Variants in DPT observed in about 807,000 individuals in gnomAD.
DPT encodes dermatopontin, also known as tyrosine-rich acidic matrix protein.
DPT carries 21 observed loss-of-function variants against 31.2 expected under a neutral mutation model. The observed-to-expected ratio is 0.67, with a 90% CI of 0.48 to 0.97. The LOEUF is 0.97. Ranked by LOEUF, DPT falls within the 50% of genes least tolerant of loss-of-function variation. The pLI, the probability that DPT is intolerant of heterozygous loss-of-function variation, is 0.00. For synonymous variants in DPT, 91 were observed against 86.9 expected (o/e 1.05, Z -0.26); for missense variants, 262 against 258.8 (o/e 1.01, Z -0.08).
Position 168,729,000 on chromosome 1 carries a change from C to A in DPT, c.175G>T (p.Val59Leu). The A allele has an allele frequency of 6.2e-7, 1 of 1,614,228 alleles. No individual in the cohort carries two copies. The highest frequency in any genetic ancestry group is 1.3e-5 in the African/African-American group (1 of 75,052). Residue 59 changes from valine (V) to leucine (L), a missense_variant, in exon 1 of 4, where the codon GTG (valine) becomes TTG (leucine). Physicochemically the swap from Val to Leu is conservative, Grantham distance 32. Transcript: ENST00000367817. Reference protein sequence around the residue: ...QCPQGQVIVAVRSIFSKKEGS... With the variant: ...QCPQGQVIVALRSIFSKKEGS... ...TCCTTCTTGCTGAAGATGCTCCTCACGGCCACTATCACCTGCCCCTGGGGA... is the reference window on the plus strand; with the variant it reads ...TCCTTCTTGCTGAAGATGCTCCTCAAGGCCACTATCACCTGCCCCTGGGGA...
intron 1 of DPT, among the ~76,000 whole-genome samples, chr1:168,724,778 G>A (rs1212234779): frequency 6.6e-6 from 1 of 152,118 alleles, no homozygotes; most frequent in Non-Finnish European, 1.5e-5. Context: ...GGAAAACGGA[G>A]TTCCCACCCA....
chr1:168,714,491 TTATA>T, intron 1 of DPT, 145 bp from the exon 2 acceptor site: 1 of 1,101,682 alleles, frequency 9.1e-7, no homozygotes, highest in Non-Finnish European at 1.3e-6. Context: ...ATAGTCTTTA[TTATA>T]TTTGTAGAAA....
intron 2 of DPT, among the ~76,000 whole-genome samples, chr1:168,702,610 G>GTTTT (rs759649550): frequency 8.5e-5 from 9 of 105,708 alleles, no homozygotes; most frequent in Non-Finnish European, 1.5e-4. Context: ...TCAGGTAAAT[G>GTTTT]TCTTTTTTTT....
intron 2 of DPT, among the ~76,000 whole-genome samples, chr1:168,704,031 G>A (rs1649661558): frequency 6.6e-6 from 1 of 152,220 alleles, no homozygotes; most frequent in African/African-American, 2.4e-5. Flanking sequence ...TAGACACTGA[G>A]ACAGGGCATA....
rs765013846 is a variant in DPT at position 168,714,271 on chromosome 1, C to T, written c.381G>A (p.Glu127=). The change falls in exon 2 of 4, where the codon GAG becomes GAA. Residue 127 remains glutamate (E), a synonymous_variant. Transcript: ENST00000367817. ...TGTAGCGACAACAGTAAAACTGCCA[C>T]TCCCGATCCAGCACTGACTCGAAGT... ...SRYFESVLDR[E]WQFYCCRYSK... 2 of 1,614,096 alleles carry T rather than the reference C, an allele frequency of 1.2e-6. 1 individual carries two copies. The highest frequency in any genetic ancestry group is 2.2e-5 in the South Asian group (2 of 91,076).
At chr1:168,718,902 A>C (rs1650040961) in intron 1 of DPT, among the ~76,000 whole-genome samples, 1 of 152,208 alleles carries the variant, frequency 6.6e-6, no homozygotes, top group South Asian at 2.1e-4. Context: ...TCTAATCAGT[A>C]AAACACTGGT....
At chr1:168,724,650 G>C (rs1650196491) in intron 1 of DPT, among the ~76,000 whole-genome samples, 1 of 152,252 alleles carries the variant, frequency 6.6e-6, no homozygotes, top group Admixed American at 6.5e-5. Context: ...GTCTTGGAAA[G>C]CATCCCCGAG....
At chr1:168,704,137 A>G (rs185480386) in intron 2 of DPT, among the ~76,000 whole-genome samples, 1 of 151,480 alleles carries the variant, frequency 6.6e-6, no homozygotes, top group East Asian at 2.0e-4. Flanking sequence ...AGGTCGGGGA[A>G]GAGTTCGGTG....
intron 1 of DPT, among the ~76,000 whole-genome samples, chr1:168,715,617 T>C (rs1220068800): frequency 6.6e-6 from 1 of 152,208 alleles, no homozygotes; most frequent in Non-Finnish European, 1.5e-5. Flanking sequence ...AGAAGCACAA[T>C]GTATTGACGA....
intron 1 of DPT, among the ~76,000 whole-genome samples, chr1:168,725,826 C>T (rs1650229577): frequency 1.3e-5 from 2 of 152,294 alleles, no homozygotes; most frequent in Admixed American, 1.3e-4. Context: ...TTCGAGACTC[C>T]TCCCCTCTTT....
chr1:168,701,269 C>A, intron 2 of DPT, 145 bp from the exon 3 acceptor site: 1 of 661,448 alleles, frequency 1.5e-6, no homozygotes, highest in Admixed American at 2.5e-5. Flanking sequence ...CCAAACAACT[C>A]CAGGCTGTGA....
intron 1 of DPT, among the ~76,000 whole-genome samples, chr1:168,717,521 T>C (rs1650009705): frequency 6.6e-6 from 1 of 152,216 alleles, no homozygotes; most frequent in African/African-American, 2.4e-5. Flanking sequence ...TTCACTCTGA[T>C]GATAGTTCCT....
intron 2 of DPT, among the ~76,000 whole-genome samples, chr1:168,704,687 AAGAC>A (rs1237173654): frequency 6.6e-6 from 1 of 152,230 alleles, no homozygotes; most frequent in East Asian, 1.9e-4. Flanking sequence ...GTCAAGATGA[AAGAC>A]AGAGAGTTGT....
At chr1:168,722,889 C>G (rs930304079) in intron 1 of DPT, among the ~76,000 whole-genome samples, 4 of 150,980 alleles carry the variant, frequency 2.6e-5, no homozygotes, top group African/African-American at 9.8e-5. Context: ...CACACGATAT[C>G]TTAACTCTGC....
chr1:168,702,903 C>T (rs762449617), intron 2 of DPT, among the ~76,000 whole-genome samples: 25 of 152,128 alleles, frequency 1.6e-4, no homozygotes, highest in Non-Finnish European at 2.4e-4. Context: ...TGAGCCACTG[C>T]GCCCAGCATG....
chr1:168,714,612 G>A (rs1302427134), intron 1 of DPT, among the ~76,000 whole-genome samples: 1 of 152,088 alleles, frequency 6.6e-6, no homozygotes, highest in Non-Finnish European at 1.5e-5. Context: ...ATTGTTAGAT[G>A]GAAGCCTGCA....
chr1:168,718,298 T>C (rs1471967862), intron 1 of DPT, among the ~76,000 whole-genome samples: 1 of 152,184 alleles, frequency 6.6e-6, no homozygotes, highest in African/African-American at 2.4e-5. Context: ...GCAATCCAAG[T>C]TCCACAAATT....
At chr1:168,712,471 G>A (rs888463759) in intron 2 of DPT, among the ~76,000 whole-genome samples, 1 of 152,182 alleles carries the variant, frequency 6.6e-6, no homozygotes, top group African/African-American at 2.4e-5. Flanking sequence ...CTGAGTATTA[G>A]GTTTTGCTTG....
intron 2 of DPT, among the ~76,000 whole-genome samples, chr1:168,708,713 C>A (rs1649778630): frequency 1.3e-5 from 2 of 152,202 alleles, no homozygotes; most frequent in Admixed American, 6.5e-5. Context: ...GCTCTTCTTA[C>A]CAGGCCTCTG....
Sources: gnomAD v4.1 joint callset for allele counts (sites outside exome capture counted in the v4.1 genomes callset) on GRCh38, gnomAD v4.1.1 for gene constraint, MANE v1.5 for transcripts, NCBI Gene and HGNC (gene_info 2026-07-23, HGNC 2026-07-21) for gene names.